Variants in CALN1 observed in about 807,000 individuals in gnomAD.
The protein encoded by CALN1 is calneuron 1.
Under a neutral mutation model 30.6 loss-of-function variants are expected in CALN1, and 17 were observed. The ratio of observed to expected loss-of-function variants is 0.56; its 90% CI spans 0.38 to 0.83. CALN1 has a LOEUF of 0.83. Among genes scored for constraint, CALN1 ranks in the 40% least tolerant of loss-of-function variants. The pLI is 0.00. For synonymous variants in CALN1, 156 were observed against 131.4 expected, an observed-to-expected ratio of 1.19 and a Z score of -1.28; for missense variants, 291 against 354.9, an observed-to-expected ratio of 0.82 and a Z score of 1.45.
intron 5 of CALN1, among the ~76,000 whole-genome samples, chr7:71,882,068 T>TA (rs1017518348): frequency 1.5e-4 from 23 of 149,342 alleles, no homozygotes; most frequent in Admixed American, 4.7e-4. Flanking sequence ...CCCTGTCTCT[T>TA]AAAAAAAAAA....
At chr7:72,249,149 T>A (rs752700259) in intron 3 of CALN1, among the ~76,000 whole-genome samples, 13 of 152,110 alleles carry the variant, frequency 8.5e-5, no homozygotes, top group Non-Finnish European at 1.3e-4. Context: ...ACATGCAGAT[T>A]CATCATTCTG....
intron 4 of CALN1, among the ~76,000 whole-genome samples, chr7:72,105,525 A>G (rs1807026173): frequency 6.6e-6 from 1 of 151,794 alleles, no homozygotes. Context: ...CTCTGGACCA[A>G]GACCCTGGTC....
At chr7:72,098,764 G>GCGCACGCGCA (rs1414936509) in intron 4 of CALN1, among the ~76,000 whole-genome samples, 3 of 142,730 alleles carry the variant, frequency 2.1e-5, no homozygotes, top group African/African-American at 7.9e-5. Flanking sequence ...CATTTGGCGC[G>GCGCACGCGCA]CACACACACA....
At chr7:71,959,606 T>A (rs972122501) in intron 5 of CALN1, among the ~76,000 whole-genome samples, 1 of 147,170 alleles carries the variant, frequency 6.8e-6, no homozygotes, top group Non-Finnish European at 1.5e-5. Flanking sequence ...GGGTTTTGAC[T>A]TTTTTACCTT....
chr7:72,208,176 G>A (rs372344791), intron 3 of CALN1, among the ~76,000 whole-genome samples: 2 of 152,288 alleles, frequency 1.3e-5, no homozygotes, highest in South Asian at 2.1e-4. Context: ...ATTTAATATT[G>A]AGGAAAATCC....
At chr7:71,907,700 A>G (rs1374191944) in intron 5 of CALN1, among the ~76,000 whole-genome samples, 2 of 152,248 alleles carry the variant, frequency 1.3e-5, no homozygotes, top group African/African-American at 2.4e-5. Flanking sequence ...AGCACTTATT[A>G]TGTTCCAGGA....
At chr7:72,376,374 C>T (rs1804555928) in intron 2 of CALN1, among the ~76,000 whole-genome samples, 3 of 152,100 alleles carry the variant, frequency 2.0e-5, no homozygotes, top group Admixed American at 6.6e-5. Flanking sequence ...ACAATGTCTC[C>T]GCATCCTTTC....
At chr7:72,429,395 T>G (rs1225312063) in intron 1 of CALN1, among the ~76,000 whole-genome samples, 1 of 152,258 alleles carries the variant, frequency 6.6e-6, no homozygotes, top group South Asian at 2.1e-4. Flanking sequence ...CAAAAATGAA[T>G]GTGGCGTAAT....
intron 5 of CALN1, among the ~76,000 whole-genome samples, chr7:71,934,137 C>G (rs1481440790): frequency 6.6e-6 from 1 of 152,168 alleles, no homozygotes; most frequent in Non-Finnish European, 1.5e-5. Flanking sequence ...GGGCTGCAGG[C>G]TGGAACTGGC....
chr7:71,981,425 C>A (rs986779377), intron 5 of CALN1, among the ~76,000 whole-genome samples: 4 of 152,148 alleles, frequency 2.6e-5, no homozygotes, highest in Admixed American at 6.5e-5. Context: ...GCAATCCCAG[C>A]ACTTTGGGAG....
chr7:72,248,452 C>T (rs543308540), intron 3 of CALN1, among the ~76,000 whole-genome samples: 42 of 152,160 alleles, frequency 2.8e-4, no homozygotes, highest in Non-Finnish European at 4.9e-4. Context: ...CTCATGGCCC[C>T]TTCCACCATC....
At chr7:72,460,319 G>T in the CALN1 span, among the ~76,000 whole-genome samples, 24,686 of 152,120 alleles carry the variant, frequency 0.16, 2,193 homozygotes, top group Non-Finnish European at 0.2. Flanking sequence ...TATTCTACAG[G>T]TGGTAAAATG....
chr7:72,269,820 C>T (rs934660208), intron 3 of CALN1, among the ~76,000 whole-genome samples: 1 of 152,088 alleles, frequency 6.6e-6, no homozygotes, highest in South Asian at 2.1e-4. Flanking sequence ...AAAATCTGAC[C>T]ACAGTCTTTT....
At chr7:71,921,472 C>G (rs1794941334) in intron 5 of CALN1, among the ~76,000 whole-genome samples, 1 of 152,038 alleles carries the variant, frequency 6.6e-6, no homozygotes. Flanking sequence ...ATACTTAAAC[C>G]TTGGCACAAA....
chr7:72,260,577 T>C (rs1796198274), intron 3 of CALN1, among the ~76,000 whole-genome samples: 1 of 152,142 alleles, frequency 6.6e-6, no homozygotes, highest in South Asian at 2.1e-4. Flanking sequence ...CAGGGCACTT[T>C]TCCCAGAAAG....
intron 5 of CALN1, among the ~76,000 whole-genome samples, chr7:71,813,288 T>C (rs1788071143): frequency 6.6e-6 from 1 of 152,156 alleles, no homozygotes; most frequent in South Asian, 2.1e-4. Flanking sequence ...CAAGCAATAC[T>C]CTGGCTTCAG....
At chr7:71,821,094 CAGT>C (rs1337166686) in intron 5 of CALN1, among the ~76,000 whole-genome samples, 3 of 151,976 alleles carry the variant, frequency 2.0e-5, no homozygotes, top group African/African-American at 7.3e-5. Context: ...GCCTAGGATG[CAGT>C]AGAATGTATA....
At chr7:72,074,830 G>A (rs1309927289) in intron 4 of CALN1, among the ~76,000 whole-genome samples, 1 of 152,332 alleles carries the variant, frequency 6.6e-6, no homozygotes, top group South Asian at 2.1e-4. Flanking sequence ...TGTCTACCAT[G>A]TGTAGGACAT....
intron 4 of CALN1, among the ~76,000 whole-genome samples, chr7:72,040,126 C>A (rs561249256): frequency 6.6e-6 from 1 of 152,212 alleles, no homozygotes; most frequent in South Asian, 2.1e-4. Flanking sequence ...GGAAAAAATT[C>A]AACTATTTCC....
Sources: gnomAD v4.1 joint callset for allele counts (sites outside exome capture counted in the v4.1 genomes callset) on GRCh38, gnomAD v4.1.1 for gene constraint, MANE v1.5 for transcripts, NCBI Gene and HGNC (gene_info 2026-07-23, HGNC 2026-07-21) for gene names.